ST3GAL1: variants seen among roughly 807,000 people sequenced by gnomAD.
The protein encoded by ST3GAL1 is CMP-N-acetylneuraminate-beta-galactosamide-alpha-2,3-sialyltransferase 1.
Under a neutral mutation model 34.1 loss-of-function variants are expected in ST3GAL1, and 16 were observed. That is an observed-to-expected ratio of 0.47 (90% confidence interval 0.32 to 0.71). The LOEUF (loss-of-function observed/expected upper bound fraction) is 0.71, where lower values mean the gene tolerates loss of function less well. ST3GAL1 is among the 30% of genes least tolerant of loss of function. ST3GAL1 has a pLI of 0.04. For synonymous variants in ST3GAL1, 191 were observed against 184.7 expected, an observed-to-expected ratio of 1.03 and a Z score of -0.28; for missense variants, 353 against 447.4, an observed-to-expected ratio of 0.79 and a Z score of 1.90.
chr8:133,535,524 A>ATTTTTTTTTTTTTTTTTT, intron 2 of ST3GAL1, among the ~76,000 whole-genome samples: 1 of 127,478 alleles, frequency 7.8e-6, no homozygotes, highest in African/African-American at 3.9e-5. Context: ...AGTATTTTTT[A>ATTTTTTTTTTTTTTTTTT]ATTTTTTTTT....
At chr8:133,484,314 T>C (rs1450614858) in intron 3 of ST3GAL1, among the ~76,000 whole-genome samples, 1 of 152,206 alleles carries the variant, frequency 6.6e-6, no homozygotes, top group Non-Finnish European at 1.5e-5. Context: ...GAGAGTTAAG[T>C]GCATAAATGC....
chr8:133,491,572 C>T (rs936860424), intron 3 of ST3GAL1, among the ~76,000 whole-genome samples: 3 of 152,134 alleles, frequency 2.0e-5, no homozygotes, highest in African/African-American at 4.8e-5. Context: ...CTCCCTAGTC[C>T]GTGACTTCAC....
At chr8:133,510,176 C>A (rs1402963576) in intron 2 of ST3GAL1, among the ~76,000 whole-genome samples, 1 of 152,172 alleles carries the variant, frequency 6.6e-6, no homozygotes, top group Non-Finnish European at 1.5e-5. Context: ...AGGGGACTTC[C>A]CAGGTTAAGC....
intron 2 of ST3GAL1, among the ~76,000 whole-genome samples, chr8:133,529,261 T>C (rs576742473): frequency 1.4e-3 from 214 of 152,326 alleles, no homozygotes; most frequent in African/African-American, 4.8e-3. Flanking sequence ...ATTTGGCATC[T>C]ACTGGAGGAA....
intron 1 of ST3GAL1, among the ~76,000 whole-genome samples, chr8:133,562,844 TTC>T (rs1819281899): frequency 1.0e-5 from 1 of 95,284 alleles, no homozygotes; most frequent in Non-Finnish European, 2.3e-5. Flanking sequence ...CTTCCTTCCT[TTC>T]TTTCTTTTTT....
intron 2 of ST3GAL1, among the ~76,000 whole-genome samples, chr8:133,509,849 G>A (rs1343037347): frequency 1.3e-5 from 2 of 152,174 alleles, no homozygotes; most frequent in Admixed American, 1.3e-4. Flanking sequence ...ACTGAGGTCT[G>A]GAGTTCGAGA....
chr8:133,487,423 T>C (rs184563247), intron 3 of ST3GAL1, among the ~76,000 whole-genome samples: 25 of 152,224 alleles, frequency 1.6e-4, no homozygotes, highest in Admixed American at 9.8e-4. Flanking sequence ...CAGAACTGCA[T>C]ATGTGTGTGT....
intron 2 of ST3GAL1, among the ~76,000 whole-genome samples, chr8:133,523,747 T>G (rs916955549): frequency 6.6e-6 from 1 of 152,214 alleles, no homozygotes; most frequent in African/African-American, 2.4e-5. Flanking sequence ...ACAAACGGAC[T>G]GGCAGAAGGC....
intron 2 of ST3GAL1, among the ~76,000 whole-genome samples, chr8:133,521,153 T>TTTGG (rs1817796076): frequency 1.1e-5 from 1 of 89,310 alleles, no homozygotes; most frequent in African/African-American, 4.6e-5. Flanking sequence ...TTTTTTTTTT[T>TTTGG]GAGACAGTCT....
At chr8:133,460,009 T>C in intron 9 of ST3GAL1, 72 bp from the exon 10 acceptor site, 1 of 1,494,314 alleles carries the variant, frequency 6.7e-7, no homozygotes, top group Non-Finnish European at 9.0e-7. Flanking sequence ...AGGAAGCCTG[T>C]AGGCGTTCCT....
At chr8:133,532,737 C>A (rs1448156473) in intron 2 of ST3GAL1, among the ~76,000 whole-genome samples, 2 of 152,142 alleles carry the variant, frequency 1.3e-5, no homozygotes, top group Non-Finnish European at 2.9e-5. Context: ...GAGGAGGACA[C>A]GTTTAGCAAT....
In ST3GAL1 at chr8:133,529,622, C is replaced by T. The variant is rs76653562; in HGVS notation, c.-429+16152G>A. Among the ~76,000 whole-genome samples the T allele has an allele frequency of 0.018, 2,771 of 152,290 alleles. 142 individuals are homozygous for T. The East Asian group carries it at 0.21, about 11-fold the overall frequency. The stretch of plus-strand genomic sequence containing the variant: ...GCCTAGGAAGTCAGCAACAGGAAGT[C>T]ACTGCAGTCCAGCAAGGGGCAGTTT... On this transcript the variant is annotated intron_variant, in intron 2 of 9. Coordinates refer to ENST00000522652, the MANE Select transcript of ST3GAL1 (RefSeq NM_173344.3).
At chr8:133,476,104 C>A in intron 4 of ST3GAL1, 30 bp from the exon 5 acceptor site, 1 of 1,460,412 alleles carries the variant, frequency 6.8e-7, no homozygotes, top group Middle Eastern at 2.0e-4. Context: ...GAAGAAAAAT[C>A]CCAGAGGTGG....
intron 1 of ST3GAL1, among the ~76,000 whole-genome samples, chr8:133,560,877 A>T (rs1819200888): frequency 6.6e-6 from 1 of 152,200 alleles, no homozygotes. Context: ...AATGGGATTA[A>T]GAAAAAAGTG....
At chr8:133,569,078 A>C (rs757695609) in intron 1 of ST3GAL1, among the ~76,000 whole-genome samples, 9 of 152,346 alleles carry the variant, frequency 5.9e-5, no homozygotes, top group African/African-American at 2.2e-4. Context: ...CTCCTCTGCC[A>C]TCACTTCTAG....
chr8:133,506,908 T>A (rs1464914718), intron 2 of ST3GAL1, among the ~76,000 whole-genome samples: 1 of 151,338 alleles, frequency 6.6e-6, no homozygotes, highest in Non-Finnish European at 1.5e-5. Context: ...GCGAACACGG[T>A]GAAACCCTGT....
In ST3GAL1 at chr8:133,457,721, G is replaced by A. The variant is rs1445371521; in HGVS notation, c.*2043C>T. 2 of 152,164 alleles carry A rather than the reference G, an allele frequency of 1.3e-5. No individual in the cohort carries two copies. Among genetic ancestry groups the A allele is most frequent in the African/African-American group, 4.8e-5 (2 of 41,424 alleles). The allele number at this position is 152,164 out of a possible 1,614,324, so 9.4% of individuals were successfully genotyped here. Reference sequence around the variant, plus strand: ...AAATGCTCATATGCAGAGATTCAGGGAAAAAACCAAACTTGGCACGCAACT... The same window carrying A: ...AAATGCTCATATGCAGAGATTCAGGAAAAAAACCAAACTTGGCACGCAACT... On this transcript the variant is annotated 3_prime_UTR_variant, in exon 10 of 10. Coordinates refer to ENST00000522652, the MANE Select transcript of ST3GAL1 (RefSeq NM_173344.3).
chr8:133,518,037 G>A (rs987237896), intron 2 of ST3GAL1, among the ~76,000 whole-genome samples: 7 of 152,176 alleles, frequency 4.6e-5, no homozygotes, highest in African/African-American at 1.4e-4. Flanking sequence ...TTGCCCAGAT[G>A]TTTCAACCCA....
chr8:133,551,598 GAAAGAAAGAAA>G (rs1563739169), intron 1 of ST3GAL1, among the ~76,000 whole-genome samples: 22 of 150,712 alleles, frequency 1.5e-4, no homozygotes, highest in African/African-American at 5.4e-4. Flanking sequence ...AAGAAAGAAA[GAAAGAAAGAAA>G]GAAAGAAAGA....
Sources: gnomAD v4.1 joint callset for allele counts (sites outside exome capture counted in the v4.1 genomes callset) on GRCh38, gnomAD v4.1.1 for gene constraint, MANE v1.5 for transcripts, NCBI Gene and HGNC (gene_info 2026-07-23, HGNC 2026-07-21) for gene names.